The following GPHN variants were observed in gnomAD, a reference collection of about 807,000 sequenced individuals.
GPHN encodes gephyrin.
A neutral mutation model predicts 95.5 loss-of-function variants in GPHN; 17 were observed. The observed-to-expected ratio is 0.18, with a 90% CI of 0.12 to 0.27. The LOEUF is 0.27. GPHN is among the 10% of genes least tolerant of loss of function. The pLI, the probability that GPHN is intolerant of heterozygous loss-of-function variation, is 1.00. For missense variants in GPHN, 660 were observed against 978.1 expected, an observed-to-expected ratio of 0.67 and a Z score of 4.34; for synonymous variants, 320 against 322.5, an observed-to-expected ratio of 0.99 and a Z score of 0.08.
chr14:67,330,455 ATTTTT>A, the GPHN span, among the ~76,000 whole-genome samples: 15 of 117,782 alleles, frequency 1.3e-4, no homozygotes, highest in South Asian at 3.8e-3. Flanking sequence ...ATTTCCCTTC[ATTTTT>A]TTTTTTTTTT....
At chr14:67,285,854 A>G in the GPHN span, among the ~76,000 whole-genome samples, 15 of 152,226 alleles carry the variant, frequency 9.9e-5, no homozygotes, top group Admixed American at 3.9e-4. Context: ...GGGAGGACAG[A>G]GTTTACGAGG....
intron 2 of GPHN, among the ~76,000 whole-genome samples, chr14:66,753,283 G>T (rs1349989103): frequency 6.6e-6 from 1 of 152,162 alleles, no homozygotes; most frequent in East Asian, 1.9e-4. Flanking sequence ...GTATTTTGGT[G>T]TCAGGAGAAG....
chr14:67,050,517 G>A (rs1002438198), intron 10 of GPHN, among the ~76,000 whole-genome samples: 1 of 152,090 alleles, frequency 6.6e-6, no homozygotes, highest in African/African-American at 2.4e-5. Context: ...TACTAGCAGA[G>A]GTAAGGCAAA....
chr14:67,330,728 G>C, the GPHN span, among the ~76,000 whole-genome samples: 3 of 148,878 alleles, frequency 2.0e-5, no homozygotes, highest in Admixed American at 2.0e-4. Context: ...AAAGTGCTGG[G>C]ATTATGGGCC....
the GPHN span, among the ~76,000 whole-genome samples, chr14:67,629,769 C>G: frequency 6.6e-6 from 1 of 152,114 alleles, no homozygotes; most frequent in Admixed American, 6.5e-5. Flanking sequence ...GAAATGTGTT[C>G]AAGATCCTAC....
At chr14:67,662,226 G>A in the GPHN span, among the ~76,000 whole-genome samples, 5 of 151,362 alleles carry the variant, frequency 3.3e-5, no homozygotes, top group Non-Finnish European at 7.4e-5. Context: ...GTAAAAGTAT[G>A]AGAATGCCCT....
chr14:67,088,123 A>T (rs2076983689), intron 11 of GPHN, among the ~76,000 whole-genome samples: 1 of 152,190 alleles, frequency 6.6e-6, no homozygotes, highest in Non-Finnish European at 1.5e-5. Context: ...ATCAAAGGCT[A>T]AAACTCAAAT....
intron 4 of GPHN, among the ~76,000 whole-genome samples, chr14:66,860,143 T>C (rs539087676): frequency 6.6e-6 from 1 of 152,186 alleles, no homozygotes; most frequent in African/African-American, 2.4e-5. Context: ...ACTAAGCAGA[T>C]TTAACTCAAA....
At chr14:66,814,457 A>G (rs1056370308) in intron 3 of GPHN, among the ~76,000 whole-genome samples, 14 of 152,156 alleles carry the variant, frequency 9.2e-5, no homozygotes, top group Non-Finnish European at 1.5e-4. Context: ...CCCCAGCACA[A>G]TGGACTGAAC....
At chr14:67,265,300 G>T in the GPHN span, among the ~76,000 whole-genome samples, 3 of 152,290 alleles carry the variant, frequency 2.0e-5, no homozygotes, top group South Asian at 4.1e-4. Flanking sequence ...ACTCATGCCT[G>T]TAATCTCAGA....
In GPHN at chr14:66,536,527, A is replaced by G. The variant is rs143096191; in HGVS notation, c.64+27936A>G. On this transcript the variant is annotated intron_variant, in intron 1 of 22. Transcript: ENST00000478722. Reference sequence around the variant, plus strand: ...TTGGCCTGTAATAGTCCTTTATTATAATATTTTTGTCAGATTTTGTTATCA... The same window carrying G: ...TTGGCCTGTAATAGTCCTTTATTATGATATTTTTGTCAGATTTTGTTATCA... Among the ~76,000 whole-genome samples, 456 of 150,732 alleles carry G rather than the reference A, an allele frequency of 3.0e-3. 3 individuals carry two copies. The highest frequency in any genetic ancestry group is 0.011 in the African/African-American group (438 of 40,364).
chr14:67,479,695 G>C, the GPHN span, among the ~76,000 whole-genome samples: 66 of 152,164 alleles, frequency 4.3e-4, no homozygotes, highest in Non-Finnish European at 7.9e-4. Context: ...TCTAGCCTAG[G>C]TGACAGAGTG....
chr14:66,604,206 TATC>T (rs2062399069), intron 1 of GPHN, among the ~76,000 whole-genome samples: 1 of 152,130 alleles, frequency 6.6e-6, no homozygotes, highest in African/African-American at 2.4e-5. Context: ...TAGGTGGTAG[TATC>T]ATGATTGATT....
chr14:67,219,163 C>T, the GPHN span, among the ~76,000 whole-genome samples: 9 of 152,138 alleles, frequency 5.9e-5, no homozygotes, highest in Non-Finnish European at 1.3e-4. Flanking sequence ...TGTGTGAATT[C>T]CTAGCAACTC....
At chr14:67,366,280 G>T in the GPHN span, among the ~76,000 whole-genome samples, 2 of 152,018 alleles carry the variant, frequency 1.3e-5, no homozygotes, top group Non-Finnish European at 2.9e-5. Flanking sequence ...TTGCTGTGTT[G>T]CCCAGGCTAG....
chr14:67,291,663 C>T, the GPHN span, among the ~76,000 whole-genome samples: 2 of 152,196 alleles, frequency 1.3e-5, no homozygotes, highest in Non-Finnish European at 2.9e-5. Flanking sequence ...CAGGCAGACA[C>T]AATGCACATA....
the GPHN span, among the ~76,000 whole-genome samples, chr14:67,259,880 G>GAA: frequency 6.3e-5 from 7 of 111,940 alleles, no homozygotes; most frequent in Non-Finnish European, 1.1e-4. Context: ...CTCCATCTAA[G>GAA]AAAAAAAAAA....
chr14:66,968,166 T>G (rs781435717), intron 9 of GPHN, among the ~76,000 whole-genome samples: 32 of 151,948 alleles, frequency 2.1e-4, no homozygotes, highest in Non-Finnish European at 3.8e-4. Flanking sequence ...AGCATAAAAA[T>G]TTGGGGCCGA....
At chr14:66,832,874 A>C (rs1420328173) in intron 4 of GPHN, among the ~76,000 whole-genome samples, 1 of 152,170 alleles carries the variant, frequency 6.6e-6, no homozygotes, top group East Asian at 1.9e-4. Context: ...GCTAAAATTG[A>C]ATGGGATTTA....
Sources: allele counts gnomAD v4.1 joint callset (sites outside exome capture counted in the v4.1 genomes callset), GRCh38; gene constraint gnomAD v4.1.1; transcripts MANE v1.5; gene names NCBI Gene and HGNC (gene_info 2026-07-23, HGNC 2026-07-21).